ROBO1: variants seen among roughly 807,000 people sequenced by gnomAD.
ROBO1 encodes roundabout guidance receptor 1, also known as roundabout homolog 1.
A neutral mutation model predicts 195.9 loss-of-function variants in ROBO1; 149 were observed. That is an observed-to-expected ratio of 0.76 (90% CI 0.67 to 0.87). The LOEUF is 0.87. Ranked by LOEUF, ROBO1 falls within the 40% of genes least tolerant of loss-of-function variation. The probability of loss-of-function intolerance (pLI) is 0.00; values close to 1 mark genes in which losing one functional copy is unlikely to be tolerated. For synonymous variants in ROBO1, 816 were observed against 733.2 expected, an observed-to-expected ratio of 1.11 and a Z score of -1.82; for missense variants, 1,933 against 2,068.3, an observed-to-expected ratio of 0.93 and a Z score of 1.27.
At chr3:79,326,867 A>G (rs1342299227) in intron 2 of ROBO1, among the ~76,000 whole-genome samples, 1 of 152,202 alleles carries the variant, frequency 6.6e-6, no homozygotes, top group Non-Finnish European at 1.5e-5. Flanking sequence ...AATGAATATT[A>G]TTTGTGGGCA....
At chr3:79,472,288 T>A (rs1938321673) in intron 2 of ROBO1, among the ~76,000 whole-genome samples, 3 of 152,082 alleles carry the variant, frequency 2.0e-5, no homozygotes, top group Admixed American at 2.0e-4. Context: ...TGTTTAGGAT[T>A]AGAAATTCAG....
chr3:79,253,143 T>G (rs977179013), intron 2 of ROBO1, among the ~76,000 whole-genome samples: 7 of 152,144 alleles, frequency 4.6e-5, no homozygotes, highest in Non-Finnish European at 8.8e-5. Context: ...AAATCAATTA[T>G]TAGCAGTGTG....
At position 79,363,719 on chromosome 3, in the gene ROBO1, T is replaced by G. The variant is rs2035857733; in HGVS notation, c.88+226105A>C. Among the ~76,000 whole-genome samples the G allele has an allele frequency of 3.9e-5, 6 of 152,352 alleles. No individual in the cohort carries two copies. The South Asian group carries it at 1.2e-3, about 32-fold the overall frequency. ...ATACATGGTTTGACACATACACGCA[T>G]GCAGTCTTGTGCATACATAAGCACA... On this transcript the variant is annotated intron_variant, in intron 2 of 30. Transcript: ENST00000464233.
At chr3:79,221,274 A>G (rs750161549) in intron 2 of ROBO1, among the ~76,000 whole-genome samples, 2 of 152,112 alleles carry the variant, frequency 1.3e-5, no homozygotes, top group Non-Finnish European at 2.9e-5. Flanking sequence ...ATTTTATATC[A>G]TCCCCATAAT....
intron 2 of ROBO1, among the ~76,000 whole-genome samples, chr3:79,502,201 T>C (rs1204129808): frequency 2.0e-5 from 3 of 152,190 alleles, no homozygotes; most frequent in African/African-American, 7.2e-5. Flanking sequence ...TGGGAGCCCC[T>C]TTCTGGGCGG....
At chr3:78,680,254 T>C (rs1559738054) in intron 10 of ROBO1, among the ~76,000 whole-genome samples, 1 of 152,128 alleles carries the variant, frequency 6.6e-6, no homozygotes, top group African/African-American at 2.4e-5. Flanking sequence ...GGCATTACCA[T>C]TCAGGACATA....
intron 3 of ROBO1, among the ~76,000 whole-genome samples, chr3:79,014,137 G>C (rs184669676): frequency 2.6e-5 from 4 of 152,066 alleles, no homozygotes; most frequent in Admixed American, 6.5e-5. Flanking sequence ...TATAGTTGTT[G>C]AATTTAAGAG....
chr3:79,395,362 A>G (rs2037119948), intron 2 of ROBO1, among the ~76,000 whole-genome samples: 1 of 149,552 alleles, frequency 6.7e-6, no homozygotes, highest in African/African-American at 2.4e-5. Flanking sequence ...GAAAGAAAGA[A>G]AGAACATTTC....
chr3:79,170,379 T>C lies in ROBO1; in HGVS notation c.89-44840A>G, dbSNP rs566963660. ...AATGTGTTTCCAGTTCAGTTAACAA[T>C]CAAAGGTCACTCTTCTTAAATTAGT... is the stretch of plus-strand genomic sequence containing the variant. On this transcript the variant is annotated intron_variant, in intron 2 of 30. Transcript: ENST00000464233. 3.3e-5 allele frequency among the ~76,000 whole-genome samples: 5 copies of C among 152,258 alleles called. No homozygotes were observed. The South Asian group carries it at 1.0e-3, about 32-fold the overall frequency.
intron 4 of ROBO1, among the ~76,000 whole-genome samples, chr3:78,916,607 T>A (rs1374895781): frequency 5.3e-5 from 8 of 152,114 alleles, no homozygotes. Flanking sequence ...ATACTGTTTT[T>A]TTATTTATGT....
chr3:79,155,151 ACT>A (rs147164986), intron 2 of ROBO1, among the ~76,000 whole-genome samples: 1 of 151,422 alleles, frequency 6.6e-6, no homozygotes, highest in African/African-American at 2.4e-5. Flanking sequence ...GCACCAGGTC[ACT>A]CTGCACAATG....
intron 2 of ROBO1, among the ~76,000 whole-genome samples, chr3:79,334,839 C>T (rs2109192476): frequency 6.6e-6 from 1 of 152,066 alleles, no homozygotes; most frequent in East Asian, 1.9e-4. Context: ...GATGTGGTGG[C>T]TCATGCCTAT....
At chr3:78,601,948 G>A (rs959591475) in intron 29 of ROBO1, among the ~76,000 whole-genome samples, 1 of 151,488 alleles carries the variant, frequency 6.6e-6, no homozygotes, top group Admixed American at 6.6e-5. Context: ...TGCTCTACAG[G>A]TTTCTACTTT....
chr3:78,847,124 A>AT (rs547942494), intron 4 of ROBO1, among the ~76,000 whole-genome samples: 6 of 152,034 alleles, frequency 3.9e-5, no homozygotes, highest in Non-Finnish European at 5.9e-5. Flanking sequence ...AAATGAAATG[A>AT]TTTTTTTTAA....
At chr3:79,623,106 C>G (rs1246058715) in intron 1 of ROBO1, among the ~76,000 whole-genome samples, 6 of 151,748 alleles carry the variant, frequency 4.0e-5, no homozygotes, top group Admixed American at 3.9e-4. Flanking sequence ...GAAAGAAAAA[C>G]GAACCTACAG....
intron 3 of ROBO1, among the ~76,000 whole-genome samples, chr3:79,042,307 C>T (rs1240436643): frequency 2.6e-5 from 4 of 152,130 alleles, no homozygotes; most frequent in African/African-American, 7.2e-5. Flanking sequence ...CTCTCACACA[C>T]ATGAGTTTAA....
At chr3:79,577,779 G>C (rs1311601182) in intron 2 of ROBO1, among the ~76,000 whole-genome samples, 1 of 151,298 alleles carries the variant, frequency 6.6e-6, no homozygotes, top group African/African-American at 2.4e-5. Flanking sequence ...GGGCATGGTG[G>C]CGGGAGCCTG....
At chr3:79,553,969 C>G (rs954170375) in intron 2 of ROBO1, among the ~76,000 whole-genome samples, 53 of 152,042 alleles carry the variant, frequency 3.5e-4, no homozygotes, top group African/African-American at 1.3e-3. Flanking sequence ...TGTGGAACTG[C>G]ATAAACAGTG....
chr3:78,933,991 G>A (rs1386921426), intron 4 of ROBO1, among the ~76,000 whole-genome samples: 1 of 151,804 alleles, frequency 6.6e-6, no homozygotes, highest in Non-Finnish European at 1.5e-5. Flanking sequence ...AATTAATGAA[G>A]CATTTTATTT....
Sources: gnomAD v4.1 joint callset for allele counts (sites outside exome capture counted in the v4.1 genomes callset) on GRCh38, gnomAD v4.1.1 for gene constraint, MANE v1.5 for transcripts, NCBI Gene and HGNC (gene_info 2026-07-23, HGNC 2026-07-21) for gene names.